ITPR1: variants seen among roughly 807,000 people sequenced by gnomAD.
ITPR1 encodes the protein inositol 1,4,5-trisphosphate receptor type 1.
A neutral mutation model predicts 318.4 loss-of-function variants in ITPR1; 96 were observed. The ratio of observed to expected loss-of-function variants is 0.30; its 90% confidence interval spans 0.26 to 0.36. The LOEUF is 0.36. Among genes scored for constraint, ITPR1 ranks in the 10% least tolerant of loss-of-function variants. The pLI is 1.00. For missense variants in ITPR1, 2,440 were observed against 3,460.2 expected (o/e 0.71, Z 7.40); for synonymous variants, 1,312 against 1,289.9 (o/e 1.02, Z -0.37).
chr3:4,516,663 A>G (rs1011539694), intron 3 of ITPR1, 80 bp downstream of exon 3: 9 of 874,856 alleles, frequency 1.0e-5, no homozygotes, highest in African/African-American at 6.9e-5. Flanking sequence ...TTTTTCTAAC[A>G]TAAGAACGTC....
At chr3:4,741,376 G>A (rs902266568) in intron 44 of ITPR1, among the ~76,000 whole-genome samples, 1 of 152,150 alleles carries the variant, frequency 6.6e-6, no homozygotes, top group Non-Finnish European at 1.5e-5. Context: ...GGCTGCCCAC[G>A]TCTATTCCTA....
intron 37 of ITPR1, among the ~76,000 whole-genome samples, chr3:4,707,351 C>T (rs986895843): frequency 2.6e-5 from 4 of 152,342 alleles, no homozygotes; most frequent in South Asian, 2.1e-4. Context: ...ACCTTGCTCA[C>T]TCGCATATTT....
At chr3:4,768,807 G>T in intron 46 of ITPR1, 43 bp downstream of exon 46, 1 of 1,572,918 alleles carries the variant, frequency 6.4e-7, no homozygotes, top group Non-Finnish European at 8.7e-7. Flanking sequence ...CTCGGGAAAG[G>T]CTGCCAAGGC....
intron 4 of ITPR1, among the ~76,000 whole-genome samples, chr3:4,587,081 C>G (rs1032796143): frequency 6.6e-6 from 1 of 152,078 alleles, no homozygotes; most frequent in Non-Finnish European, 1.5e-5. Context: ...TTTACATTTC[C>G]CTGGAGATTT....
intron 4 of ITPR1, among the ~76,000 whole-genome samples, chr3:4,627,330 G>A (rs1269980019): frequency 6.6e-6 from 1 of 152,190 alleles, no homozygotes; most frequent in Non-Finnish European, 1.5e-5. Context: ...CAGGCTTGGT[G>A]GCATGTGCCT....
chr3:4,728,727 C>T (rs1053858775), intron 42 of ITPR1, among the ~76,000 whole-genome samples: 4 of 152,118 alleles, frequency 2.6e-5, no homozygotes, highest in Non-Finnish European at 5.9e-5. Flanking sequence ...ATTAACCATC[C>T]CCACCTGTCC....
At chr3:4,736,651 G>A (rs1351772235) in intron 44 of ITPR1, among the ~76,000 whole-genome samples, 1 of 152,222 alleles carries the variant, frequency 6.6e-6, no homozygotes, top group Admixed American at 6.5e-5. Flanking sequence ...GGCACGAGTC[G>A]TACACGTTGG....
chr3:4,838,436 G>T (rs1489325241), intron 61 of ITPR1, among the ~76,000 whole-genome samples: 1 of 150,954 alleles, frequency 6.6e-6, no homozygotes, highest in Non-Finnish European at 1.5e-5. Context: ...CAACCCCCCA[G>T]TGAGGTGAAC....
chr3:4,832,562 T>C (rs766518073), intron 60 of ITPR1, among the ~76,000 whole-genome samples: 1 of 152,086 alleles, frequency 6.6e-6, no homozygotes, highest in Non-Finnish European at 1.5e-5. Flanking sequence ...ACCCGGTAGA[T>C]AGGCAGAGGT....
intron 44 of ITPR1, among the ~76,000 whole-genome samples, chr3:4,753,720 G>C (rs1275917107): frequency 6.6e-6 from 1 of 152,104 alleles, no homozygotes; most frequent in Non-Finnish European, 1.5e-5. Context: ...GGCCTGAGTG[G>C]ATTTATTTTT....
chr3:4,590,087 C>T (rs1247616948), intron 4 of ITPR1, among the ~76,000 whole-genome samples: 6 of 152,158 alleles, frequency 3.9e-5, no homozygotes, highest in Admixed American at 3.3e-4. Flanking sequence ...ACAGATGCCA[C>T]CACCCCTGAG....
At chr3:4,732,937 C>G in intron 42 of ITPR1, 151 bp from the exon 43 acceptor site, 1 of 780,876 alleles carries the variant, frequency 1.3e-6, no homozygotes, top group South Asian at 1.6e-5. Context: ...AAGTTAACTT[C>G]AGAGTTTCTA....
intron 4 of ITPR1, among the ~76,000 whole-genome samples, chr3:4,559,289 T>C (rs1461913193): frequency 6.6e-6 from 1 of 152,164 alleles, no homozygotes; most frequent in Non-Finnish European, 1.5e-5. Context: ...TCTTTTCCTT[T>C]TTATCATGCC....
At chr3:4,519,383 C>T (rs932035945) in intron 3 of ITPR1, among the ~76,000 whole-genome samples, 2 of 152,306 alleles carry the variant, frequency 1.3e-5, no homozygotes, top group African/African-American at 2.4e-5. Context: ...CCTGCCACCA[C>T]GCCCAGCTAA....
chr3:4,598,600 A>T (rs905906464), intron 4 of ITPR1, among the ~76,000 whole-genome samples: 4 of 152,228 alleles, frequency 2.6e-5, no homozygotes, highest in Non-Finnish European at 5.9e-5. Flanking sequence ...TCAGCCTGGG[A>T]GATGGAGCTA....
chr3:4,502,241 C>T (rs549971920), intron 2 of ITPR1, among the ~76,000 whole-genome samples: 100 of 152,266 alleles, frequency 6.6e-4, no homozygotes, highest in Middle Eastern at 3.4e-3. Flanking sequence ...CTTCCTCCTC[C>T]GGGAAGTTTT....
chr3:4,786,205 G>A (rs533806344), intron 51 of ITPR1, among the ~76,000 whole-genome samples: 3 of 152,308 alleles, frequency 2.0e-5, no homozygotes, highest in South Asian at 4.1e-4. Flanking sequence ...AGCAGGAGAC[G>A]GCAGAGGTGA....
chr3:4,740,893 G>A (rs2043654038), intron 44 of ITPR1, among the ~76,000 whole-genome samples: 1 of 152,188 alleles, frequency 6.6e-6, no homozygotes, highest in African/African-American at 2.4e-5. Flanking sequence ...TCCCCACTCT[G>A]GTGCCACCCG....
chr3:4,647,624 A>G (rs1434850401), intron 10 of ITPR1, among the ~76,000 whole-genome samples: 2 of 152,178 alleles, frequency 1.3e-5, no homozygotes, highest in African/African-American at 4.8e-5. Flanking sequence ...AGTCTTTTCA[A>G]TGTTACTCGT....
Sources: gnomAD v4.1 joint callset for allele counts (sites outside exome capture counted in the v4.1 genomes callset) on GRCh38, gnomAD v4.1.1 for gene constraint, MANE v1.5 for transcripts, NCBI Gene and HGNC (gene_info 2026-07-23, HGNC 2026-07-21) for gene names.